The following SRGAP3 variants were observed in gnomAD, a reference collection of about 807,000 sequenced individuals.
The protein encoded by SRGAP3 is SLIT-ROBO Rho GTPase activating protein 3.
SRGAP3 carries 39 observed loss-of-function variants against 121.1 expected under a neutral mutation model. The observed-to-expected ratio is 0.32, with a 90% CI of 0.25 to 0.42. SRGAP3 has a LOEUF of 0.42. SRGAP3 is among the 10% of genes least tolerant of loss of function. The probability of loss-of-function intolerance (pLI) is 1.00; values close to 1 mark genes in which losing one functional copy is unlikely to be tolerated. For synonymous variants in SRGAP3, 601 were observed against 570.0 expected (o/e 1.05, Z -0.77); for missense variants, 1,213 against 1,470.6 (o/e 0.82, Z 2.86).
rs956013086 is a variant in SRGAP3 at position 9,169,078 on chromosome 3, G to A, written c.68-44161C>T. On this transcript the variant is annotated intron_variant, in intron 1 of 21. Transcript: ENST00000383836. ...ACATGGTAGCACTGATTTCAATCCC[G>A]GCTCGTTCAGCTATTGTGTAACCCT... Among the ~76,000 whole-genome samples, 4 of 152,134 alleles carry A rather than the reference G, an allele frequency of 2.6e-5. 1 individual carries two copies. The highest frequency in any genetic ancestry group is 2.0e-4 in the Admixed American group (3 of 15,268).
intron 1 of SRGAP3, among the ~76,000 whole-genome samples, chr3:9,197,255 G>A (rs1951944707): frequency 6.6e-6 from 1 of 152,216 alleles, no homozygotes; most frequent in African/African-American, 2.4e-5. Context: ...TTTCATGCCA[G>A]CCTCTGCCTC....
At chr3:8,994,218 G>C in intron 19 of SRGAP3, 125 bp downstream of exon 19, 1 of 1,249,392 alleles carries the variant, frequency 8.0e-7, no homozygotes, top group Middle Eastern at 2.1e-4. Context: ...TGTTAGAGAA[G>C]AACAAGCGTA....
intron 3 of SRGAP3, among the ~76,000 whole-genome samples, chr3:9,097,085 G>A (rs1229271552): frequency 2.0e-5 from 3 of 150,040 alleles, no homozygotes; most frequent in Non-Finnish European, 3.0e-5. Context: ...CAAAATCCCA[G>A]GCTTAAGCAA....
intron 1 of SRGAP3, among the ~76,000 whole-genome samples, chr3:9,179,162 G>A (rs1375797567): frequency 6.6e-6 from 1 of 152,218 alleles, no homozygotes; most frequent in Admixed American, 6.5e-5. Context: ...TCACTCCTCT[G>A]GGGGTTGGGA....
At chr3:9,041,269 G>T (rs1944999661) in intron 10 of SRGAP3, among the ~76,000 whole-genome samples, 1 of 152,190 alleles carries the variant, frequency 6.6e-6, no homozygotes, top group Admixed American at 6.5e-5. Flanking sequence ...CAGGGAAGCT[G>T]GTTCCACCTC....
At chr3:9,171,646 G>T (rs1170820043) in intron 1 of SRGAP3, among the ~76,000 whole-genome samples, 3 of 151,988 alleles carry the variant, frequency 2.0e-5, no homozygotes, top group Non-Finnish European at 4.4e-5. Context: ...TAAAATCTTT[G>T]CCTGGATGCT....
At chr3:8,989,825 T>C (rs1166688526) in intron 21 of SRGAP3, among the ~76,000 whole-genome samples, 1 of 152,208 alleles carries the variant, frequency 6.6e-6, no homozygotes, top group African/African-American at 2.4e-5. Flanking sequence ...GAGAAGAACC[T>C]GGAACATTCT....
chr3:9,227,391 A>T (rs541602713), intron 1 of SRGAP3, among the ~76,000 whole-genome samples: 2 of 152,312 alleles, frequency 1.3e-5, no homozygotes, highest in African/African-American at 4.8e-5. Context: ...GAGCGCACTT[A>T]TTGAGTGTGG....
intron 1 of SRGAP3, among the ~76,000 whole-genome samples, chr3:9,158,049 CT>C (rs1950479060): frequency 6.6e-6 from 1 of 152,200 alleles, no homozygotes; most frequent in Non-Finnish European, 1.5e-5. Flanking sequence ...AGTACTGCCC[CT>C]GGCTGAGCCC....
intron 1 of SRGAP3, among the ~76,000 whole-genome samples, chr3:9,232,743 C>G (rs1258011286): frequency 6.6e-6 from 1 of 152,150 alleles, no homozygotes; most frequent in Non-Finnish European, 1.5e-5. Context: ...CCACTGCCCC[C>G]CAACAGAGAT....
At chr3:9,026,657 C>T (rs1944220881) in intron 13 of SRGAP3, among the ~76,000 whole-genome samples, 1 of 152,234 alleles carries the variant, frequency 6.6e-6, no homozygotes, top group African/African-American at 2.4e-5. Flanking sequence ...ATTCAGTGCT[C>T]AAAGCACAGA....
intron 2 of SRGAP3, among the ~76,000 whole-genome samples, chr3:9,112,395 T>C (rs1231771775): frequency 6.6e-6 from 1 of 152,242 alleles, no homozygotes; most frequent in Non-Finnish European, 1.5e-5. Context: ...CACTTGCTTG[T>C]AGCATGAATC....
intron 1 of SRGAP3, among the ~76,000 whole-genome samples, chr3:9,174,946 G>A (rs377241406): frequency 6.6e-6 from 1 of 152,160 alleles, no homozygotes; most frequent in Non-Finnish European, 1.5e-5. Context: ...AAGACACCAG[G>A]GAGGCGTCAT....
chr3:9,284,132 T>C (rs552330988), intron 3 of SRGAP3, among the ~76,000 whole-genome samples: 1 of 147,852 alleles, frequency 6.8e-6, no homozygotes. Flanking sequence ...AAATGGTGTT[T>C]AATAAAAAAA....
In SRGAP3 at chr3:9,207,324, A is replaced by G. The variant is rs150955043; in HGVS notation, c.67+41561T>C. 2.8e-4 allele frequency among the ~76,000 whole-genome samples: 43 copies of G among 152,304 alleles called. 1 individual carries two copies. The highest frequency in any genetic ancestry group is 2.5e-3 in the Admixed American group (39 of 15,300). On this transcript the variant is annotated intron_variant, in intron 1 of 21. Transcript: ENST00000383836. The stretch of plus-strand genomic sequence containing the variant: ...GTCACACACCTAGACAGTGGCAACA[A>G]AGAAAGAGAGTGCTTTGGGAAGAAC...
intron 1 of SRGAP3, among the ~76,000 whole-genome samples, chr3:9,179,229 T>C (rs181780619): frequency 6.6e-6 from 1 of 152,304 alleles, no homozygotes; most frequent in Non-Finnish European, 1.5e-5. Context: ...AATTTCTAGT[T>C]GTTTCAATAT....
Position 9,340,911 on chromosome 3 carries a change from T to C in SRGAP3, n.215-10315A>G, listed in dbSNP as rs188934378. Among the ~76,000 whole-genome samples the C allele has an allele frequency of 1.8e-3, 268 of 152,314 alleles. 2 individuals are homozygous for C. The highest frequency in any genetic ancestry group is 6.0e-3 in the African/African-American group (251 of 41,562). On this transcript the variant is annotated intron_variant and non_coding_transcript_variant, in intron 1 of 3. Transcript: ENST00000490889. Reference sequence around the variant, plus strand: ...CCTGGGCTGCTATAACGAAATGCCATAGACTAAGTAATTTAAGCAACAGAA... The same window carrying C: ...CCTGGGCTGCTATAACGAAATGCCACAGACTAAGTAATTTAAGCAACAGAA...
chr3:9,144,655 C>T lies in SRGAP3; in HGVS notation c.68-19738G>A, dbSNP rs1253008758. 3.9e-5 allele frequency among the ~76,000 whole-genome samples: 6 copies of T among 152,328 alleles called. No individual in the cohort carries two copies. The East Asian group carries it at 1.2e-3, about 29-fold the overall frequency. ...GCTTTTTGCTTCTTCCTCATTTTCT[C>T]TTGCCGCCACCATGTAAGAAGTGCC... is the stretch of plus-strand genomic sequence containing the variant. On this transcript the variant is annotated intron_variant, in intron 1 of 21. Transcript: ENST00000383836.
chr3:9,031,671 T>G (rs984405566), intron 12 of SRGAP3, among the ~76,000 whole-genome samples: 3 of 152,238 alleles, frequency 2.0e-5, no homozygotes, highest in Admixed American at 2.0e-4. Flanking sequence ...GCAAGTCTTG[T>G]GCTGGACCCT....
Sources: gnomAD v4.1 joint callset for allele counts (sites outside exome capture counted in the v4.1 genomes callset) on GRCh38, gnomAD v4.1.1 for gene constraint, MANE v1.5 for transcripts, NCBI Gene and HGNC (gene_info 2026-07-23, HGNC 2026-07-21) for gene names.